ITPKB: variants seen among roughly 807,000 people sequenced by gnomAD.
ITPKB encodes inositol-trisphosphate 3-kinase B, also known as IP3 3-kinase B.
Under a neutral mutation model 69.4 loss-of-function variants are expected in ITPKB, and 13 were observed. The ratio of observed to expected loss-of-function variants is 0.19; its 90% CI spans 0.12 to 0.30. The LOEUF (loss-of-function observed/expected upper bound fraction) is 0.30, where lower values mean the gene tolerates loss of function less well. Ranked by LOEUF, ITPKB falls within the 10% of genes least tolerant of loss-of-function variation. The pLI, the probability that ITPKB is intolerant of heterozygous loss-of-function variation, is 1.00. For missense variants in ITPKB, 1,240 were observed against 1,250.5 expected, an observed-to-expected ratio of 0.99 and a Z score of 0.13; for synonymous variants, 584 against 513.7, an observed-to-expected ratio of 1.14 and a Z score of -1.85.
intron 2 of ITPKB, among the ~76,000 whole-genome samples, chr1:226,703,825 G>C (rs1045693510): frequency 6.6e-6 from 1 of 152,210 alleles, no homozygotes; most frequent in African/African-American, 2.4e-5. Flanking sequence ...TTTCAGTCTG[G>C]GTTTCCTCAT....
intron 2 of ITPKB, among the ~76,000 whole-genome samples, chr1:226,712,074 G>A (rs780477286): frequency 8.5e-5 from 13 of 152,194 alleles, no homozygotes; most frequent in East Asian, 3.8e-4. Context: ...ACAGTAAGCC[G>A]CGAGGGTGGA....
At chr1:226,733,032 C>A (rs1657639627) in intron 2 of ITPKB, among the ~76,000 whole-genome samples, 1 of 152,146 alleles carries the variant, frequency 6.6e-6, no homozygotes, top group Non-Finnish European at 1.5e-5. Context: ...ATCTCAGTGT[C>A]TAGTGTGGGT....
chr1:226,642,808 A>C lies in ITPKB; in HGVS notation c.2247-683T>G, dbSNP rs575366841. ...TGGTGGGAGAAGTGGTCTGTCCTCA[A>C]GTCCCCATCTCTGCTGCTCTCAGGC... is the stretch of plus-strand genomic sequence containing the variant. On this transcript the variant is annotated intron_variant, in intron 4 of 7. Transcript: ENST00000429204. The surrounding 1 kb of genome is among the most constrained non-coding windows in gnomAD (Gnocchi z 6.4). Among the ~76,000 whole-genome samples the C allele has an allele frequency of 4.6e-5, 7 of 152,296 alleles. No individual in the cohort carries two copies. The highest frequency in any genetic ancestry group is 1.7e-4 in the African/African-American group (7 of 41,562).
intron 2 of ITPKB, among the ~76,000 whole-genome samples, chr1:226,674,301 A>T (rs555241623): frequency 6.6e-6 from 1 of 152,226 alleles, no homozygotes; most frequent in East Asian, 1.9e-4. Context: ...CCAGGTTCAA[A>T]CCAATCTCCT....
chr1:226,718,236 G>A (rs917632264), intron 2 of ITPKB, among the ~76,000 whole-genome samples: 1 of 149,726 alleles, frequency 6.7e-6, no homozygotes, highest in Non-Finnish European at 1.5e-5. Context: ...GGAGCTTGCA[G>A]TGAGCCAAGA....
At chr1:226,692,343 TTTCC>T (rs1656377760) in intron 2 of ITPKB, among the ~76,000 whole-genome samples, 1 of 152,134 alleles carries the variant, frequency 6.6e-6, no homozygotes, top group Non-Finnish European at 1.5e-5. Context: ...CCAACCCAAC[TTTCC>T]ATTTGGGTAA....
chr1:226,668,917 C>A (rs1669556821), intron 2 of ITPKB: 1 of 152,192 alleles, frequency 6.6e-6, no homozygotes, highest in African/African-American at 2.4e-5. Flanking sequence ...GTAACCTTTC[C>A]CCTTTTTCAA....
intron 6 of ITPKB, among the ~76,000 whole-genome samples, chr1:226,638,044 C>A (rs1006493647): frequency 5.9e-5 from 9 of 152,226 alleles, no homozygotes; most frequent in African/African-American, 2.2e-4. Context: ...TGGGGGGTGC[C>A]CCATCTTCCC....
intron 2 of ITPKB, among the ~76,000 whole-genome samples, chr1:226,732,949 G>C (rs947629474): frequency 5.3e-5 from 8 of 152,288 alleles, no homozygotes; most frequent in African/African-American, 1.9e-4. Flanking sequence ...TCATTCCTCA[G>C]CAAGGATGAA....
intron 2 of ITPKB, among the ~76,000 whole-genome samples, chr1:226,659,899 G>A (rs1007959299): frequency 8.5e-5 from 13 of 152,206 alleles, no homozygotes; most frequent in Non-Finnish European, 1.3e-4. Context: ...GCATCTGGCT[G>A]ATAAGAGGAC....
intron 2 of ITPKB, among the ~76,000 whole-genome samples, chr1:226,652,653 G>A (rs755909941): frequency 2.6e-5 from 4 of 152,352 alleles, no homozygotes; most frequent in East Asian, 1.9e-4. Flanking sequence ...TGCCTTGAAC[G>A]TGGTGTGGCA....
chr1:226,700,542 T>G (rs549723687), intron 2 of ITPKB, among the ~76,000 whole-genome samples: 6 of 148,604 alleles, frequency 4.0e-5, no homozygotes, highest in Non-Finnish European at 8.9e-5. Context: ...ACACTCAGTA[T>G]TAACCATCAT....
chr1:226,705,453 T>TG (rs1656777154), intron 2 of ITPKB, among the ~76,000 whole-genome samples: 1 of 148,520 alleles, frequency 6.7e-6, no homozygotes, highest in East Asian at 2.0e-4. Context: ...CACTTGAACC[T>TG]GGGAGGCAGA....
chr1:226,733,642 G>A (rs1394621610), intron 2 of ITPKB, among the ~76,000 whole-genome samples: 1 of 152,096 alleles, frequency 6.6e-6, no homozygotes, highest in East Asian at 1.9e-4. Flanking sequence ...GCCGGCAGGG[G>A]ATTTTTCCCT....
intron 2 of ITPKB, among the ~76,000 whole-genome samples, chr1:226,662,701 T>G (rs1204886223): frequency 6.6e-6 from 1 of 152,192 alleles, no homozygotes; most frequent in African/African-American, 2.4e-5. Flanking sequence ...ACAAGGAAAC[T>G]TTTGAGGGAG....
In ITPKB at chr1:226,736,586, G is replaced by C. The variant is rs771278268; in HGVS notation, c.873C>G (p.Pro291=). ...PTPGTRSCLA[P]SLGLFGASLT... is the part of the protein sequence containing the mutation. ...AGCTAGCTCCGAACAGCCCCAATGA[G>C]GGAGCTAGGCAGCTCCGAGTTCCCG... The change falls in exon 2 of 8, where the codon CCC becomes CCG. Residue 291 remains proline (P), a synonymous_variant. Transcript: ENST00000429204. 12 of 1,613,906 alleles carry C rather than the reference G, an allele frequency of 7.4e-6. No individual in the cohort carries two copies. The highest frequency in any genetic ancestry group is 9.3e-6 in the Non-Finnish European group (11 of 1,180,024).
intron 2 of ITPKB, among the ~76,000 whole-genome samples, chr1:226,682,563 T>C (rs1656116444): frequency 6.6e-6 from 1 of 152,228 alleles, no homozygotes; most frequent in Admixed American, 6.5e-5. Flanking sequence ...TGGACTGTGC[T>C]AGGAATTAGC....
chr1:226,698,705 C>A (rs1656559177), intron 2 of ITPKB, among the ~76,000 whole-genome samples: 1 of 152,250 alleles, frequency 6.6e-6, no homozygotes, highest in South Asian at 2.1e-4. Flanking sequence ...TGGAAAGCAG[C>A]ATCCCAGATG....
At chr1:226,663,884 C>T (rs1669446216) in intron 2 of ITPKB, among the ~76,000 whole-genome samples, 1 of 152,190 alleles carries the variant, frequency 6.6e-6, no homozygotes, top group Admixed American at 6.5e-5. Flanking sequence ...GGGATCATTA[C>T]AGACAGCATG....
Sources: allele counts gnomAD v4.1 joint callset (sites outside exome capture counted in the v4.1 genomes callset), GRCh38; gene constraint gnomAD v4.1.1; non-coding constraint Gnocchi (gnomAD v3.1); transcripts MANE v1.5; gene names NCBI Gene and HGNC (gene_info 2026-07-23, HGNC 2026-07-21).